The following CDKAL1 variants were observed in gnomAD, a reference collection of about 807,000 sequenced individuals.
CDKAL1 encodes threonylcarbamoyladenosine tRNA methylthiotransferase.
CDKAL1 carries 32 observed loss-of-function variants against 68.2 expected under a neutral mutation model. The observed-to-expected ratio is 0.47, with a 90% CI of 0.35 to 0.63. The LOEUF is 0.63. Among genes scored for constraint, CDKAL1 ranks in the 30% least tolerant of loss-of-function variants. The pLI is 0.00. For missense variants in CDKAL1, 606 were observed against 696.7 expected (o/e 0.87, Z 1.47); for synonymous variants, 234 against 244.3 (o/e 0.96, Z 0.39).
chr6:20,977,935 T>C (rs1374478175), intron 10 of CDKAL1, among the ~76,000 whole-genome samples: 1 of 152,138 alleles, frequency 6.6e-6, no homozygotes, highest in Non-Finnish European at 1.5e-5. Flanking sequence ...GTTTTGTTAA[T>C]ATCTAATTAA....
intron 8 of CDKAL1, among the ~76,000 whole-genome samples, chr6:20,840,937 G>T (rs1424586395): frequency 1.3e-5 from 2 of 152,190 alleles, no homozygotes; most frequent in African/African-American, 4.8e-5. Context: ...GAAGAATGTG[G>T]CTAGACCACA....
chr6:20,779,456 T>C (rs1189264136), intron 7 of CDKAL1, among the ~76,000 whole-genome samples: 1 of 152,244 alleles, frequency 6.6e-6, no homozygotes, highest in Non-Finnish European at 1.5e-5. Context: ...TAGACTCTGA[T>C]AAGCTCAATT....
Position 20,955,549 on chromosome 6 carries a change from C to T in CDKAL1, c.873C>T (p.Gly291=), listed in dbSNP as rs1457852324. 1.2e-6 allele frequency: 2 copies of T among 1,614,114 alleles called. No homozygotes were observed. Among genetic ancestry groups the T allele is most frequent in the Non-Finnish European group, 1.7e-6 (2 of 1,180,008 alleles). ...VIPEGAMLRL[G]MTNPPYILEH... ...CTGAGGGAGCAATGCTGAGGCTTGG[C>T]ATGACAAATCCGCCCTATATTTTAG... The change falls in exon 10 of 16, where the codon GGC becomes GGT. Residue 291 remains glycine, a synonymous_variant. Coordinates refer to ENST00000274695, the MANE Select transcript of CDKAL1 (RefSeq NM_017774.3).
chr6:20,945,049 A>G (rs1405617154), intron 9 of CDKAL1, among the ~76,000 whole-genome samples: 1 of 136,942 alleles, frequency 7.3e-6, no homozygotes, highest in Non-Finnish European at 1.5e-5. Context: ...ATCTAGAAAC[A>G]GTGCATATGT....
chr6:21,117,412 C>G lies in CDKAL1; in HGVS notation c.1299+8949C>G, dbSNP rs559902722. ...CAGCATTTTGAGAGGTCAGGGTGGG[C>G]GGATCTGTTGAACCCAGGAGTTTGA... On this transcript the variant is annotated intron_variant, in intron 13 of 15. Transcript: ENST00000274695. Among the ~76,000 whole-genome samples the G allele has an allele frequency of 2.8e-4, 43 of 151,192 alleles. 1 individual carries two copies. In the South Asian group the frequency reaches 8.6e-3, roughly 30 times the overall value.
intron 4 of CDKAL1, among the ~76,000 whole-genome samples, chr6:20,578,898 A>C (rs1581756427): frequency 1.3e-5 from 2 of 152,214 alleles, no homozygotes; most frequent in Non-Finnish European, 1.5e-5. Context: ...ACAGGAGGAA[A>C]AGTGTAAAAG....
At chr6:20,971,925 G>GA (rs1561926419) in intron 10 of CDKAL1, among the ~76,000 whole-genome samples, 1 of 152,074 alleles carries the variant, frequency 6.6e-6, no homozygotes, top group African/African-American at 2.4e-5. Context: ...AAAATAACGT[G>GA]AAAAAACTGT....
At chr6:21,087,433 G>A (rs1183561930) in intron 12 of CDKAL1, among the ~76,000 whole-genome samples, 1 of 152,134 alleles carries the variant, frequency 6.6e-6, no homozygotes, top group Non-Finnish European at 1.5e-5. Context: ...GGGCTCAAAT[G>A]ATCCTCCAGC....
At chr6:20,612,374 TGAACAA>T (rs1766656728) in intron 4 of CDKAL1, among the ~76,000 whole-genome samples, 1 of 152,250 alleles carries the variant, frequency 6.6e-6, no homozygotes, top group South Asian at 2.1e-4. Flanking sequence ...CCACCAACAG[TGAACAA>T]GAGTTCCCTT....
chr6:21,173,946 A>C (rs1468996051), intron 13 of CDKAL1, among the ~76,000 whole-genome samples: 1 of 152,106 alleles, frequency 6.6e-6, no homozygotes, highest in Non-Finnish European at 1.5e-5. Flanking sequence ...GTGGCACTCA[A>C]CTGTAGTTCC....
chr6:21,213,655 C>T (rs1779242109), intron 15 of CDKAL1, among the ~76,000 whole-genome samples: 1 of 152,188 alleles, frequency 6.6e-6, no homozygotes, highest in Admixed American at 6.5e-5. Flanking sequence ...CACTACAGGT[C>T]TTCTTCTCTT....
chr6:21,060,540 T>C (rs1232707682), intron 11 of CDKAL1, among the ~76,000 whole-genome samples: 1 of 152,128 alleles, frequency 6.6e-6, no homozygotes, highest in Non-Finnish European at 1.5e-5. Context: ...TTTCTTATTT[T>C]ACCTTTATTA....
At chr6:20,903,826 G>A (rs1002021533) in intron 9 of CDKAL1, among the ~76,000 whole-genome samples, 4 of 152,190 alleles carry the variant, frequency 2.6e-5, no homozygotes, top group African/African-American at 9.6e-5. Context: ...CTGGGAAGAT[G>A]GCAGAGTAGA....
intron 10 of CDKAL1, among the ~76,000 whole-genome samples, chr6:20,984,326 G>A (rs1766324390): frequency 6.6e-6 from 1 of 152,166 alleles, no homozygotes; most frequent in Admixed American, 6.5e-5. Context: ...GTGGGGGAGT[G>A]CAGGTGAGCG....
At chr6:21,008,087 TGAG>T (rs1180224609) in intron 11 of CDKAL1, among the ~76,000 whole-genome samples, 1 of 151,988 alleles carries the variant, frequency 6.6e-6, no homozygotes, top group Non-Finnish European at 1.5e-5. Context: ...GATAGGGAAA[TGAG>T]AAGGAGGAGG....
intron 9 of CDKAL1, among the ~76,000 whole-genome samples, chr6:20,909,083 T>A (rs1050182535): frequency 3.9e-5 from 6 of 152,184 alleles, no homozygotes; most frequent in Non-Finnish European, 7.3e-5. Flanking sequence ...ACACCATAAT[T>A]TAAAACCCTA....
intron 11 of CDKAL1, among the ~76,000 whole-genome samples, chr6:21,040,571 AAT>A (rs1239565902): frequency 1.3e-5 from 2 of 152,192 alleles, no homozygotes; most frequent in African/African-American, 4.8e-5. Context: ...AAATAGATTG[AAT>A]AGCTTCACTA....
At chr6:20,765,644 C>T (rs915375474) in intron 7 of CDKAL1, among the ~76,000 whole-genome samples, 10 of 152,118 alleles carry the variant, frequency 6.6e-5, no homozygotes, top group African/African-American at 2.4e-4. Flanking sequence ...ATTTTTCAAA[C>T]CATAACATTT....
intron 13 of CDKAL1, among the ~76,000 whole-genome samples, chr6:21,160,692 T>A (rs1251467579): frequency 4.2e-5 from 6 of 143,652 alleles, no homozygotes; most frequent in Admixed American, 2.8e-4. Flanking sequence ...TGTCCAAAAA[T>A]ATATATATAT....
Sources: gnomAD v4.1 joint callset for allele counts (sites outside exome capture counted in the v4.1 genomes callset) on GRCh38, gnomAD v4.1.1 for gene constraint, MANE v1.5 for transcripts, NCBI Gene and HGNC (gene_info 2026-07-23, HGNC 2026-07-21) for gene names.